The following ATP10A variants were observed in gnomAD, a reference collection of about 807,000 sequenced individuals.
The protein encoded by ATP10A is ATPase phospholipid transporting 10A (putative).
In ATP10A, 111 loss-of-function variants were observed where a neutral mutation model predicts 147.8. The observed-to-expected ratio is 0.75, with a 90% confidence interval of 0.64 to 0.88. The LOEUF is 0.88. ATP10A is among the 40% of genes least tolerant of loss of function. The pLI, the probability that ATP10A is intolerant of heterozygous loss-of-function variation, is 0.00. For synonymous variants in ATP10A, 875 were observed against 841.6 expected (o/e 1.04, Z -0.69); for missense variants, 1,927 against 1,959.0 (o/e 0.98, Z 0.31).
chr15:25,733,205 G>A (rs566068302), intron 3 of ATP10A, among the ~76,000 whole-genome samples: 20 of 152,314 alleles, frequency 1.3e-4, no homozygotes, highest in Admixed American at 1.2e-3. Flanking sequence ...GAGGCTGCAA[G>A]GAGGCCAGTG....
At chr15:25,857,607 A>C (rs932241951) in intron 1 of ATP10A, among the ~76,000 whole-genome samples, 1 of 152,246 alleles carries the variant, frequency 6.6e-6, no homozygotes, top group African/African-American at 2.4e-5. Flanking sequence ...GTAGGTGGGA[A>C]TACAGATAAA....
In ATP10A at chr15:25,738,387, T is replaced by C. The variant is rs149167924; in HGVS notation, c.655-2246A>G. The C allele has an allele frequency of 1.1e-4, 17 of 152,474 alleles. 1 individual carries two copies. The East Asian group carries it at 3.3e-3, about 29-fold the overall frequency. The allele number at this position is 152,474 out of a possible 1,614,324, so 9.4% of individuals were successfully genotyped here. On this transcript the variant is annotated intron_variant, in intron 2 of 20. Transcript: ENST00000555815. ...AGGGAAGAGGAAGCAGTTCTACAGA[T>C]GGATGGTGGTGATGGTTGCGCAACA...
chr15:25,730,310 AAAAAAAAAAAAAAAAAAAGAAG>A (rs796265983), intron 3 of ATP10A, among the ~76,000 whole-genome samples: 3 of 144,364 alleles, frequency 2.1e-5, no homozygotes, highest in African/African-American at 8.0e-5. Flanking sequence ...TCAAAAAAAA[AAAAAAAAAAAAAAAAAAAGAAG>A]AAAGAAAGAA....
At chr15:25,839,363 A>G (rs1396737867) in intron 1 of ATP10A, among the ~76,000 whole-genome samples, 1 of 152,202 alleles carries the variant, frequency 6.6e-6, no homozygotes. Flanking sequence ...CTTTATAACT[A>G]GACAGCCAAG....
intron 3 of ATP10A, among the ~76,000 whole-genome samples, chr15:25,732,949 C>T (rs1254008467): frequency 6.6e-6 from 1 of 152,074 alleles, no homozygotes; most frequent in South Asian, 2.1e-4. Flanking sequence ...ATGATACCTC[C>T]AGGATTAGGA....
chr15:25,821,606 T>C (rs6576468), intron 1 of ATP10A, among the ~76,000 whole-genome samples: 52,650 of 151,886 alleles, frequency 0.35, 10,409 homozygotes, highest in African/African-American at 0.54. Flanking sequence ...TTGGAAGGGG[T>C]TTTGCTTGAA....
At chr15:25,688,759 T>C (rs897222509) in intron 15 of ATP10A, among the ~76,000 whole-genome samples, 1 of 152,184 alleles carries the variant, frequency 6.6e-6, no homozygotes, top group African/African-American at 2.4e-5. Context: ...TGGAATAGTG[T>C]CATGATACAC....
At chr15:25,813,986 A>C (rs1427510402) in intron 1 of ATP10A, among the ~76,000 whole-genome samples, 1 of 152,154 alleles carries the variant, frequency 6.6e-6, no homozygotes. Flanking sequence ...AATAATGATC[A>C]AAATGTTTCC....
intron 1 of ATP10A, among the ~76,000 whole-genome samples, chr15:25,852,530 T>C (rs1030285308): frequency 6.6e-6 from 1 of 151,364 alleles, no homozygotes; most frequent in Non-Finnish European, 1.5e-5. Flanking sequence ...CTCAATCCTC[T>C]GTCTCACCCA....
At chr15:25,737,084 T>G (rs1012318937) in intron 2 of ATP10A, among the ~76,000 whole-genome samples, 1 of 152,186 alleles carries the variant, frequency 6.6e-6, no homozygotes, top group African/African-American at 2.4e-5. Flanking sequence ...AAAGCGTACA[T>G]TAAAAGGGGC....
chr15:25,813,901 C>A (rs902314218), intron 1 of ATP10A, among the ~76,000 whole-genome samples: 7 of 151,712 alleles, frequency 4.6e-5, no homozygotes, highest in African/African-American at 1.7e-4. Flanking sequence ...ATCTATGGGA[C>A]AACTTCTAGT....
intron 1 of ATP10A, among the ~76,000 whole-genome samples, chr15:25,800,972 C>T (rs1158902331): frequency 6.6e-6 from 1 of 152,168 alleles, no homozygotes. Flanking sequence ...TCCTGGCTCA[C>T]TGTCATGGGG....
At chr15:25,698,942 AAAG>A (rs1900510082) in intron 13 of ATP10A, among the ~76,000 whole-genome samples, 1 of 152,220 alleles carries the variant, frequency 6.6e-6, no homozygotes, top group Admixed American at 6.5e-5. Context: ...AAAAGAAATA[AAAG>A]AAGACCTAAA....
At chr15:25,768,178 G>A (rs1889128882) in intron 2 of ATP10A, among the ~76,000 whole-genome samples, 1 of 152,232 alleles carries the variant, frequency 6.6e-6, no homozygotes, top group Non-Finnish European at 1.5e-5. Context: ...CCCTTCACAG[G>A]ACACAGCACG....
intron 1 of ATP10A, among the ~76,000 whole-genome samples, chr15:25,846,220 A>C (rs1567428619): frequency 6.6e-6 from 1 of 152,116 alleles, no homozygotes; most frequent in Non-Finnish European, 1.5e-5. Flanking sequence ...AAAGTGTTGG[A>C]GAGGAGGGCG....
At position 25,701,915 on chromosome 15, in the gene ATP10A, C is replaced by T. The variant is rs1361906358; in HGVS notation, c.2760+1G>A. 1.3e-6 allele frequency: 2 copies of T among 1,596,326 alleles called. No homozygotes were observed. Among genetic ancestry groups the T allele is most frequent in the South Asian group, 1.1e-5 (1 of 88,604 alleles). On this transcript the variant is annotated splice_donor_variant, in intron 13 of 20. Transcript: ENST00000555815. LOFTEE classifies it high-confidence loss of function. Reference sequence around the variant, plus strand: ...AGCGGAGCCACTTGAAACCCACCTACCTGGGAGGTGGCATTCAGGGTGATG... The same window carrying T: ...AGCGGAGCCACTTGAAACCCACCTATCTGGGAGGTGGCATTCAGGGTGATG...
intron 1 of ATP10A, among the ~76,000 whole-genome samples, chr15:25,788,360 C>G (rs983478317): frequency 2.0e-5 from 3 of 152,186 alleles, no homozygotes; most frequent in African/African-American, 7.2e-5. Context: ...TCTGAGTGCC[C>G]GAGTTCCTGA....
chr15:25,795,370 G>A (rs528971222), intron 1 of ATP10A, among the ~76,000 whole-genome samples: 4 of 151,940 alleles, frequency 2.6e-5, no homozygotes, highest in South Asian at 2.1e-4. Context: ...AATGAATGGC[G>A]ACCTTGGGCT....
At position 25,701,958 on chromosome 15, in the gene ATP10A, C is replaced by T. The variant is rs1170259450; in HGVS notation, c.2718G>A (p.Leu906=). The change falls in exon 13 of 21, where the codon CTG becomes CTA. Residue 906 remains leucine (L), a synonymous_variant. Transcript: ENST00000555815. ...AVNIAYACKL[L]DHDEEVITLN... ...GGGTGATGACCTCCTCGTCGTGGTC[C>T]AGCAGTTTGCAGGCATATGCAATGT... The T allele has an allele frequency of 1.9e-6, 3 of 1,613,218 alleles. No homozygotes were observed. Among genetic ancestry groups the T allele is most frequent in the Non-Finnish European group, 2.5e-6 (3 of 1,179,594 alleles).
Sources: allele counts gnomAD v4.1 joint callset (sites outside exome capture counted in the v4.1 genomes callset), GRCh38; gene constraint gnomAD v4.1.1; transcripts MANE v1.5; gene names NCBI Gene and HGNC (gene_info 2026-07-23, HGNC 2026-07-21).